NLGN1: variants seen among roughly 807,000 people sequenced by gnomAD.
NLGN1 encodes neuroligin 1.
Under a neutral mutation model 65.5 loss-of-function variants are expected in NLGN1, and 12 were observed. The observed-to-expected ratio is 0.18, with a 90% CI of 0.12 to 0.30. The LOEUF (loss-of-function observed/expected upper bound fraction) is 0.30. NLGN1 is among the 10% of genes least tolerant of loss of function. The probability of loss-of-function intolerance (pLI) is 1.00; values close to 1 mark genes in which losing one functional copy is unlikely to be tolerated. For missense variants in NLGN1, 750 were observed against 1,007.1 expected (o/e 0.74, Z 3.46); for synonymous variants, 350 against 359.5 (o/e 0.97, Z 0.30).
At chr3:173,520,686 C>G (rs957861708) in intron 2 of NLGN1, among the ~76,000 whole-genome samples, 1 of 152,158 alleles carries the variant, frequency 6.6e-6, no homozygotes, top group Non-Finnish European at 1.5e-5. Context: ...GACATATAAT[C>G]TGGCTTGGAG....
intron 1 of NLGN1, among the ~76,000 whole-genome samples, chr3:173,424,877 ATTTCAGGTTATCT>A (rs1715813483): frequency 6.6e-6 from 1 of 152,054 alleles, no homozygotes; most frequent in Admixed American, 6.6e-5. Context: ...TCACTTCCAC[ATTTCAGGTTATCT>A]TTGTGGCAGT....
At chr3:174,139,500 G>A (rs1577062963) in intron 4 of NLGN1, among the ~76,000 whole-genome samples, 1 of 151,724 alleles carries the variant, frequency 6.6e-6, no homozygotes. Context: ...CATCACAGTT[G>A]ATTTATCCAT....
chr3:174,091,110 G>T (rs1016234688), intron 4 of NLGN1, among the ~76,000 whole-genome samples: 1 of 152,078 alleles, frequency 6.6e-6, no homozygotes, highest in Non-Finnish European at 1.5e-5. Flanking sequence ...ATTGATTTTA[G>T]ATGACCAGGT....
chr3:173,730,997 C>G (rs1321616551), intron 3 of NLGN1, among the ~76,000 whole-genome samples: 1 of 151,960 alleles, frequency 6.6e-6, no homozygotes, highest in African/African-American at 2.4e-5. Context: ...TTGAGAAATC[C>G]CTTGGCCATC....
intron 2 of NLGN1, among the ~76,000 whole-genome samples, chr3:173,540,012 C>A (rs549574106): frequency 6.6e-6 from 1 of 151,442 alleles, no homozygotes; most frequent in South Asian, 2.1e-4. Flanking sequence ...AGATAAGACC[C>A]AGTTTATGAT....
At position 173,448,934 on chromosome 3, in the gene NLGN1, C is replaced by G. The variant is rs1352311787; in HGVS notation, c.-321+13856C>G. 5.9e-5 allele frequency among the ~76,000 whole-genome samples: 9 copies of G among 152,164 alleles called. No individual in the cohort carries two copies. In the East Asian group the frequency reaches 1.4e-3, roughly 23 times the overall value. ...TCCCCTTTTTCATTTTTTATTGCAT[C>G]TATTTGATTCTTCTCTCTTTTCTTC... is the stretch of plus-strand genomic sequence containing the variant. On this transcript the variant is annotated intron_variant, in intron 2 of 6. Transcript: ENST00000457714.
chr3:174,225,730 C>CAA (rs746747895), intron 4 of NLGN1, among the ~76,000 whole-genome samples: 152 of 102,366 alleles, frequency 1.5e-3, no homozygotes, highest in African/African-American at 4.8e-3. Flanking sequence ...GACTCCGTCT[C>CAA]AAAAAAAAAA....
chr3:173,590,210 A>T (rs41334545), intron 2 of NLGN1, among the ~76,000 whole-genome samples: 1,596 of 152,286 alleles, frequency 0.01, 39 homozygotes, highest in African/African-American at 0.037. Context: ...CCATTATGTT[A>T]CAAGTCAGTG....
At chr3:173,411,374 C>A (rs995474215) in intron 1 of NLGN1, among the ~76,000 whole-genome samples, 1 of 152,120 alleles carries the variant, frequency 6.6e-6, no homozygotes, top group Admixed American at 6.5e-5. Context: ...CTTCCTTCAC[C>A]ACTGCCATTC....
At chr3:174,043,375 ATCT>A (rs1732790811) in intron 4 of NLGN1, among the ~76,000 whole-genome samples, 1 of 152,222 alleles carries the variant, frequency 6.6e-6, no homozygotes, top group Non-Finnish European at 1.5e-5. Context: ...CCGAAGTCTC[ATCT>A]GAGACAAGGC....
intron 4 of NLGN1, among the ~76,000 whole-genome samples, chr3:174,225,658 G>A (rs1013127023): frequency 3.3e-5 from 5 of 152,052 alleles, no homozygotes; most frequent in Non-Finnish European, 5.9e-5. Flanking sequence ...GTGAGCCCGG[G>A]AGGCGGAGCT....
At chr3:173,722,241 CTTTT>C (rs58327862) in intron 3 of NLGN1, among the ~76,000 whole-genome samples, 147 of 100,114 alleles carry the variant, frequency 1.5e-3, no homozygotes, top group African/African-American at 5.0e-3. Context: ...TCTTCTTCTT[CTTTT>C]TTTTTTTTTT....
In NLGN1 at chr3:173,599,740, A is replaced by G. The variant is rs181239073; in HGVS notation, c.-320-4539A>G. On this transcript the variant is annotated intron_variant, in intron 2 of 6. Transcript: ENST00000457714. The stretch of plus-strand genomic sequence containing the variant: ...TGTCTAGTTAGTACAGTTGATCTTC[A>G]TTATTCCTGGTTTCTGTATTTGCAA... 1.6e-3 allele frequency among the ~76,000 whole-genome samples: 245 copies of G among 152,270 alleles called. 1 individual carries two copies. The highest frequency in any genetic ancestry group is 5.7e-3 in the African/African-American group (238 of 41,582).
intron 2 of NLGN1, among the ~76,000 whole-genome samples, chr3:173,580,384 T>C (rs1340226839): frequency 6.6e-6 from 1 of 152,058 alleles, no homozygotes; most frequent in Non-Finnish European, 1.5e-5. Context: ...TCTTGGTCTT[T>C]TATTTCCATT....
chr3:173,980,967 A>G (rs1171006271), intron 4 of NLGN1, among the ~76,000 whole-genome samples: 3 of 152,126 alleles, frequency 2.0e-5, no homozygotes, highest in Non-Finnish European at 4.4e-5. Context: ...ATTTTAGTTC[A>G]GTTATTTTTA....
chr3:173,931,103 T>C (rs911783167), intron 4 of NLGN1, among the ~76,000 whole-genome samples: 1 of 152,202 alleles, frequency 6.6e-6, no homozygotes. Context: ...CTTAGTTATA[T>C]TGACATTTTT....
chr3:173,720,805 G>A (rs1036222132), intron 3 of NLGN1, among the ~76,000 whole-genome samples: 3 of 152,194 alleles, frequency 2.0e-5, no homozygotes, highest in African/African-American at 4.8e-5. Flanking sequence ...TGGGGATGAA[G>A]TAATGAAACA....
At chr3:173,932,097 A>G (rs1208287445) in intron 4 of NLGN1, among the ~76,000 whole-genome samples, 2 of 151,862 alleles carry the variant, frequency 1.3e-5, no homozygotes, top group Admixed American at 6.6e-5. Context: ...GATAAGAGTT[A>G]TTTTATTTGT....
intron 3 of NLGN1, among the ~76,000 whole-genome samples, chr3:173,690,045 A>G (rs1765234703): frequency 6.6e-6 from 1 of 152,192 alleles, no homozygotes; most frequent in African/African-American, 2.4e-5. Flanking sequence ...ATATTTGAAG[A>G]AACTGAGACT....
Sources: gnomAD v4.1 joint callset for allele counts (sites outside exome capture counted in the v4.1 genomes callset) on GRCh38, gnomAD v4.1.1 for gene constraint, MANE v1.5 for transcripts, NCBI Gene and HGNC (gene_info 2026-07-23, HGNC 2026-07-21) for gene names.